GON7: variants seen among roughly 807,000 people sequenced by gnomAD.
GON7 encodes GON7 subunit of KEOPS complex.
GON7 carries 2 observed loss-of-function variants against 7.6 expected under a neutral mutation model. That is an observed-to-expected ratio of 0.26 (90% CI 0.11 to 0.83). GON7 has a LOEUF of 0.83. Ranked by LOEUF, GON7 falls within the 40% of genes least tolerant of loss-of-function variation. The probability of loss-of-function intolerance (pLI) is 0.65; values close to 1 mark genes in which losing one functional copy is unlikely to be tolerated. For synonymous variants in GON7, 54 were observed against 56.6 expected (o/e 0.95, Z 0.20); for missense variants, 121 against 132.2 (o/e 0.92, Z 0.42).
rs1007962957 is a variant in GON7 at position 93,203,413 on chromosome 14, TAAA to T, written c.*272_*274del. 2 of 367,360 alleles carry T rather than the reference TAAA, an allele frequency of 5.4e-6. No individual in the cohort carries two copies. Among genetic ancestry groups the T allele is most frequent in the African/African-American group, 2.0e-5 (1 of 48,952 alleles). 22.8% of individuals were successfully genotyped at this position (367,360 alleles called of 1,614,324 possible). On this transcript the variant is annotated 3_prime_UTR_variant, in exon 2 of 2. Coordinates refer to ENST00000306954, the MANE Select transcript of GON7 (RefSeq NM_032490.5). ...TTATTTTAAAAATAGAAAACAATGA[TAAA>T]AATTCAGTTGCCAACTTAGAGGATT...
intron 1 of GON7, 48 bp from the exon 2 acceptor site, chr14:93,203,830 A>T: frequency 7.0e-7 from 1 of 1,424,050 alleles, no homozygotes; most frequent in Non-Finnish European, 9.9e-7. Flanking sequence ...TATGGCTGAA[A>T]GAAATATATA....
intron 1 of GON7, among the ~76,000 whole-genome samples, chr14:93,205,990 C>T (rs2140094207): frequency 6.6e-6 from 1 of 152,258 alleles, no homozygotes; most frequent in Middle Eastern, 3.4e-3. Context: ...CAGAGGACCA[C>T]AGAACCACTT....
chr14:93,205,852 G>C (rs989540924), intron 1 of GON7, among the ~76,000 whole-genome samples: 1 of 152,126 alleles, frequency 6.6e-6, no homozygotes, highest in Non-Finnish European at 1.5e-5. Flanking sequence ...CCTACTCTGC[G>C]ATAGATTGTA....
chr14:93,206,727 C>T, intron 1 of GON7, 103 bp downstream of exon 1: 4 of 1,233,730 alleles, frequency 3.2e-6, no homozygotes, highest in Non-Finnish European at 4.4e-6. Context: ...TTCCTCGAGG[C>T]TCACTTTGTC....
rs781780745 is a variant in GON7 at position 93,207,000 on chromosome 14, T to C, written c.38A>G (p.Lys13Arg). 1.2e-6 allele frequency: 2 copies of C among 1,613,956 alleles called. No homozygotes were observed. Among genetic ancestry groups the C allele is most frequent in the Admixed American group, 1.7e-5 (1 of 60,032 alleles). ...LLGEYVGQEG[K>R]PQKLRVSCEA... ...ACAGGACACCCGCAGCTTCTGCGGC[T>C]TCCCTTCCTGCCCGACGTACTCTCC... Residue 13 changes from lysine to arginine, a missense_variant, in exon 1 of 2, where the codon AAG (lysine) becomes AGG (arginine). Transcript: ENST00000306954.
rs1422644706 is a variant in GON7, at chr14:93,203,768, C to T, written c.223G>A (p.Asp75Asn). The change falls in exon 2 of 2, where the codon GAT becomes AAT. Residue 75 changes from aspartate to asparagine, a missense_variant. Physicochemically the swap from Asp to Asn is conservative, Grantham distance 23 (BLOSUM62 1). Transcript: ENST00000306954. ...DEDLDGDDED[D>N]AEDENNIDNR... ...TCAATGTTATTTTCATCTTCTGCAT[C>T]ATCTTCATCATCACCTTTTAAAATA... 1 of 1,612,884 alleles carries T rather than the reference C, an allele frequency of 6.2e-7. No individual in the cohort carries two copies. The highest frequency in any genetic ancestry group is 1.7e-5 in the Admixed American group (1 of 59,980).
chr14:93,206,298 C>T (rs1402112712), intron 1 of GON7, among the ~76,000 whole-genome samples: 1 of 150,726 alleles, frequency 6.6e-6, no homozygotes, highest in East Asian at 2.0e-4. Flanking sequence ...CGTGAGCCAC[C>T]AGCCCGGACC....
chr14:93,205,109 C>T (rs1894314702), intron 1 of GON7, among the ~76,000 whole-genome samples: 1 of 152,200 alleles, frequency 6.6e-6, no homozygotes, highest in Non-Finnish European at 1.5e-5. Context: ...CATATGGTAA[C>T]TTCATGTCAA....
chr14:93,205,231 GTTCT>G (rs1894316361), intron 1 of GON7, among the ~76,000 whole-genome samples: 1 of 152,116 alleles, frequency 6.6e-6, no homozygotes, highest in Non-Finnish European at 1.5e-5. Context: ...ACTTGTTATT[GTTCT>G]TTTTGATTAT....
In GON7 at chr14:93,203,694, C is replaced by A; in HGVS notation, c.297G>T (p.Pro99=). ...AATGTCATGAAGGCTATTGTTAAGA[C>A]GGTGTTTTTGGCCGTTTTGCAGATG... ...DGPSAKRPKT[P]S Residue 99 remains proline (P), a synonymous_variant, in exon 2 of 2, where the codon CCG becomes CCT. Coordinates refer to ENST00000306954, the MANE Select transcript of GON7 (RefSeq NM_032490.5). 2 of 1,613,514 alleles carry A rather than the reference C, an allele frequency of 1.2e-6. No homozygotes were observed. The highest frequency in any genetic ancestry group is 1.3e-5 in the African/African-American group (1 of 75,034).
intron 1 of GON7, among the ~76,000 whole-genome samples, chr14:93,206,245 G>A (rs1211652491): frequency 6.6e-6 from 1 of 152,012 alleles, no homozygotes; most frequent in African/African-American, 2.4e-5. Flanking sequence ...TCCTGACCTC[G>A]TGATCTGCCT....
At chr14:93,206,060 C>T (rs993166108) in intron 1 of GON7, among the ~76,000 whole-genome samples, 1 of 151,996 alleles carries the variant, frequency 6.6e-6, no homozygotes, top group Non-Finnish European at 1.5e-5. Context: ...CGATAGAGTG[C>T]AGTGGCGCGA....
rs371344376 is a variant in GON7, at chr14:93,205,209, A to G, written c.209-1427T>C. Among the ~76,000 whole-genome samples the G allele has an allele frequency of 5.7e-4, 87 of 152,336 alleles. 1 individual carries two copies. The highest frequency in any genetic ancestry group is 2.0e-3 in the African/African-American group (85 of 41,568). On this transcript the variant is annotated intron_variant, in intron 1 of 1. Transcript: ENST00000306954. The stretch of plus-strand genomic sequence containing the variant: ...TGTACAAGGTCTCCAATTTCTTCAC[A>G]TTCCAGCCAACACTTGTTATTGTTC...
At chr14:93,205,920 C>A (rs886075610) in intron 1 of GON7, among the ~76,000 whole-genome samples, 3 of 152,190 alleles carry the variant, frequency 2.0e-5, no homozygotes, top group African/African-American at 7.2e-5. Context: ...ATTCAACACC[C>A]AGCTCAAAAG....
rs145389036 is a variant in GON7 at position 93,206,092 on chromosome 14, G to C, written c.208+738C>G. On this transcript the variant is annotated intron_variant, in intron 1 of 1. Transcript: ENST00000306954. The stretch of plus-strand genomic sequence containing the variant: ...GCGATCTCGGCTCACTGCACCCTCT[G>C]CCTCCAGGGTTCAAGCGATTCTTCT... 9.9e-4 allele frequency among the ~76,000 whole-genome samples: 151 copies of C among 152,090 alleles called. 1 individual carries two copies. The highest frequency in any genetic ancestry group is 3.4e-3 in the Middle Eastern group (1 of 294).
intron 1 of GON7, among the ~76,000 whole-genome samples, chr14:93,206,226 G>T (rs1484988368): frequency 5.3e-5 from 8 of 152,168 alleles, no homozygotes; most frequent in East Asian, 1.9e-4. Context: ...GGCCAGGCTT[G>T]TCTCGAACTC....
chr14:93,206,741 G>T, intron 1 of GON7, 89 bp downstream of exon 1: 1 of 1,336,184 alleles, frequency 7.5e-7, no homozygotes, highest in Non-Finnish European at 1.0e-6. Flanking sequence ...CTTTGTCCAA[G>T]TCTGCCACTC....
At chr14:93,203,823 G>A in intron 1 of GON7, 41 bp from the exon 2 acceptor site, 31 of 1,502,784 alleles carry the variant, frequency 2.1e-5, no homozygotes, top group Non-Finnish European at 2.7e-5. Flanking sequence ...TACGTTCTAT[G>A]GCTGAAAGAA....
chr14:93,206,328 G>A (rs1420651404), intron 1 of GON7, among the ~76,000 whole-genome samples: 1 of 151,104 alleles, frequency 6.6e-6, no homozygotes, highest in African/African-American at 2.4e-5. Flanking sequence ...TTTAATAAGA[G>A]TGTCTGCCTG....
Sources: gnomAD v4.1 joint callset for allele counts (sites outside exome capture counted in the v4.1 genomes callset) on GRCh38, gnomAD v4.1.1 for gene constraint, MANE v1.5 for transcripts, NCBI Gene and HGNC (gene_info 2026-07-23, HGNC 2026-07-21) for gene names.